LPIN1: variants seen among roughly 807,000 people sequenced by gnomAD.
The protein encoded by LPIN1 is lipin 1, also known as phosphatidate phosphatase LPIN1.
A neutral mutation model predicts 107.5 loss-of-function variants in LPIN1; 71 were observed. The ratio of observed to expected loss-of-function variants is 0.66; its 90% confidence interval spans 0.55 to 0.80. The LOEUF (loss-of-function observed/expected upper bound fraction) is 0.80. LPIN1 is among the 30% of genes least tolerant of loss of function. LPIN1 has a pLI of 0.00. For missense variants in LPIN1, 1,043 were observed against 1,160.6 expected, an observed-to-expected ratio of 0.90 and a Z score of 1.47; for synonymous variants, 445 against 452.6, an observed-to-expected ratio of 0.98 and a Z score of 0.21.
Position 11,782,498 on chromosome 2 carries a change from A to G in LPIN1, c.1255A>G (p.Arg419Gly), listed in dbSNP as rs529908361. The change falls in exon 8 of 21, where the codon AGG becomes GGG. Residue 419 changes from arginine to glycine, a missense_variant. By Grantham distance (125) the Arg-to-Gly change is moderately radical (BLOSUM62 -2). Transcript: ENST00000674199. ...AGCAAACAAGACGGATTCTCCTTCC[A>G]GGAAAAGAGGTACCAAGGCTGGGGC... The part of the protein sequence containing the change: ...QTANKTDSPS[R>G]KRDKRSRHLG... The G allele has an allele frequency of 1.2e-4, 198 of 1,614,174 alleles. 1 individual carries two copies. In the South Asian group the frequency reaches 1.8e-3, roughly 15 times the overall value.
rs1662636221 is a variant in LPIN1 at position 11,697,298 on chromosome 2, C to G, written c.82-16458C>G. The stretch of plus-strand genomic sequence containing the variant: ...CTACCCAGATGCTTCCTGGCCTCGC[C>G]CAGCTCTTGTGCTCCTGGCAGCCCT... On this transcript the variant is annotated intron_variant, in intron 1 of 21. Coordinates refer to the LPIN1 transcript ENST00000449576. The surrounding 1 kb of genome is among the most constrained non-coding windows in gnomAD (Gnocchi z 4.6). Among the ~76,000 whole-genome samples the G allele has an allele frequency of 2.0e-5, 3 of 152,222 alleles. No homozygotes were observed. Among genetic ancestry groups the G allele is most frequent in the Admixed American group, 2.0e-4 (3 of 15,288 alleles).
At chr2:11,783,136 G>C (rs527517934) in intron 8 of LPIN1, among the ~76,000 whole-genome samples, 1 of 152,128 alleles carries the variant, frequency 6.6e-6, no homozygotes, top group South Asian at 2.1e-4. Context: ...CAGCAGCTTC[G>C]TGTGGTTTTC....
intron 1 of LPIN1, among the ~76,000 whole-genome samples, chr2:11,699,487 A>G (rs1662756782): frequency 6.6e-6 from 1 of 152,066 alleles, no homozygotes; most frequent in African/African-American, 2.4e-5. Context: ...AACAGACACC[A>G]GAACGCTCAC....
chr2:11,708,414 CA>C (rs545964278), intron 1 of LPIN1, among the ~76,000 whole-genome samples: 33 of 152,194 alleles, frequency 2.2e-4, no homozygotes, highest in Non-Finnish European at 4.4e-4. Context: ...TGGGAGGAAG[CA>C]GGGGAGCCTA....
intron 2 of LPIN1, among the ~76,000 whole-genome samples, chr2:11,716,959 A>G (rs1160694370): frequency 6.6e-6 from 1 of 152,134 alleles, no homozygotes; most frequent in Non-Finnish European, 1.5e-5. Context: ...CCAGAATTCT[A>G]GCTTATCCTG....
intron 1 of LPIN1, among the ~76,000 whole-genome samples, chr2:11,762,594 C>A (rs567090794): frequency 6.6e-6 from 1 of 152,264 alleles, no homozygotes; most frequent in South Asian, 2.1e-4. Flanking sequence ...ACACTCCTTT[C>A]ACCTTTATTG....
intron 8 of LPIN1, among the ~76,000 whole-genome samples, chr2:11,782,798 A>G (rs1034083382): frequency 1.3e-5 from 2 of 152,208 alleles, no homozygotes; most frequent in African/African-American, 2.4e-5. Flanking sequence ...CATGGGACCC[A>G]TAAGTGTGAC....
chr2:11,725,806 G>A (rs1033603475), intron 1 of LPIN1, among the ~76,000 whole-genome samples: 14 of 152,154 alleles, frequency 9.2e-5, no homozygotes, highest in East Asian at 5.8e-4. Flanking sequence ...GCACAATCCC[G>A]GAATCACTTT....
At chr2:11,715,898 G>A (rs890331878) in intron 2 of LPIN1, among the ~76,000 whole-genome samples, 1 of 152,120 alleles carries the variant, frequency 6.6e-6, no homozygotes, top group Non-Finnish European at 1.5e-5. Flanking sequence ...TGGTATACAG[G>A]GGGCCGGGGC....
intron 17 of LPIN1, among the ~76,000 whole-genome samples, chr2:11,808,831 A>G (rs1018828041): frequency 2.0e-5 from 3 of 150,086 alleles, no homozygotes; most frequent in South Asian, 2.1e-4. Flanking sequence ...AGATCGCACC[A>G]TTGCACTCCA....
intron 13 of LPIN1, among the ~76,000 whole-genome samples, chr2:11,793,085 C>T (rs1253432410): frequency 6.6e-6 from 1 of 152,212 alleles, no homozygotes; most frequent in African/African-American, 2.4e-5. Flanking sequence ...AAGCAGACAT[C>T]GTCCTGTGGA....
intron 20 of LPIN1, 80 bp from the exon 21 acceptor site, chr2:11,824,550 GAT>G (rs1411523899): frequency 9.8e-6 from 14 of 1,428,382 alleles, no homozygotes; most frequent in Non-Finnish European, 1.4e-5. Flanking sequence ...TGAGGTTGTA[GAT>G]CTCTCTTGAC....
chr2:11,720,779 G>A (rs1449735994), upstream of LPIN1, among the ~76,000 whole-genome samples: 1 of 152,026 alleles, frequency 6.6e-6, no homozygotes, highest in Non-Finnish European at 1.5e-5. Flanking sequence ...GTCTGGCAGA[G>A]TGATGTGTGT....
At chr2:11,758,054 G>A (rs1668947665) in intron 1 of LPIN1, among the ~76,000 whole-genome samples, 1 of 151,728 alleles carries the variant, frequency 6.6e-6, no homozygotes, top group South Asian at 2.1e-4. Context: ...ATTTCATTTA[G>A]CCTACTGTCC....
chr2:11,791,732 G>A (rs528323909), intron 12 of LPIN1, 182 bp from the exon 13 acceptor site: 1 of 1,453,704 alleles, frequency 6.9e-7, no homozygotes, highest in East Asian at 3.0e-5. Context: ...TTACCTTCAT[G>A]TAATTTTGGA....
Position 11,825,050 on chromosome 2 carries a change from GC to G in LPIN1, c.*261del. 1.9e-6 allele frequency: 1 copy of G among 523,260 alleles called. No individual in the cohort carries two copies. Among genetic ancestry groups the G allele is most frequent in the South Asian group, 2.1e-5 (1 of 48,268 alleles). The allele number at this position is 523,260 out of a possible 1,614,324, so 32.4% of individuals were successfully genotyped here. ...AAGCATTCCTCAGTTGTGGCTTAAT[GC>G]CAGTTACGACGCTGCCTTTCCGGCC... On this transcript the variant is annotated 3_prime_UTR_variant, in exon 21 of 21. Coordinates refer to ENST00000674199, the MANE Select transcript of LPIN1 (RefSeq NM_001349206.2). This position sits in a 1 kb window ranked among gnomAD's most constrained non-coding sequence, Gnocchi z 4.1.
chr2:11,713,643 C>T, intron 1 of LPIN1: 1 of 622,494 alleles, frequency 1.6e-6, no homozygotes, highest in Non-Finnish European at 2.8e-6. Flanking sequence ...TCACCATGTT[C>T]AAAATGTAGA....
intron 1 of LPIN1, among the ~76,000 whole-genome samples, chr2:11,739,835 TAAAACGGC>T (rs1666157075): frequency 6.6e-6 from 1 of 152,212 alleles, no homozygotes; most frequent in Non-Finnish European, 1.5e-5. Context: ...ATGAGGGTGT[TAAAACGGC>T]TACTATTTAT....
intron 1 of LPIN1, among the ~76,000 whole-genome samples, chr2:11,735,627 C>T (rs1326986653): frequency 3.9e-5 from 6 of 152,110 alleles, no homozygotes; most frequent in Non-Finnish European, 5.9e-5. Flanking sequence ...AAATGTGAGA[C>T]GAATGAAGTC....
Sources: gnomAD v4.1 joint callset for allele counts (sites outside exome capture counted in the v4.1 genomes callset) on GRCh38, gnomAD v4.1.1 for gene constraint, Gnocchi (gnomAD v3.1) non-coding constraint, MANE v1.5 for transcripts, NCBI Gene and HGNC (gene_info 2026-07-23, HGNC 2026-07-21) for gene names.